The following ARHGAP44 variants were observed in gnomAD, a reference collection of about 807,000 sequenced individuals.
ARHGAP44 encodes the protein rho GTPase-activating protein 44.
Under a neutral mutation model 106.8 loss-of-function variants are expected in ARHGAP44, and 43 were observed. That is an observed-to-expected ratio of 0.40 (90% confidence interval 0.32 to 0.52). The LOEUF (loss-of-function observed/expected upper bound fraction) is 0.52. Among genes scored for constraint, ARHGAP44 ranks in the 20% least tolerant of loss-of-function variants. ARHGAP44 has a pLI of 0.48. For missense variants in ARHGAP44, 866 were observed against 1,050.5 expected (o/e 0.82, Z 2.43); for synonymous variants, 439 against 410.3 (o/e 1.07, Z -0.85).
chr17:12,982,417 A>G (rs929057196), intron 19 of ARHGAP44, among the ~76,000 whole-genome samples: 8 of 151,742 alleles, frequency 5.3e-5, no homozygotes, highest in Admixed American at 4.6e-4. Flanking sequence ...CATCACAGAC[A>G]TGGTGATGCA....
At chr17:12,842,431 AAAG>A (rs1475647290) in intron 1 of ARHGAP44, among the ~76,000 whole-genome samples, 4,745 of 133,560 alleles carry the variant, frequency 0.036, 90 homozygotes, top group African/African-American at 0.079. Context: ...AAAAAAAAAA[AAAG>A]AAAGAAAAAA....
At chr17:12,840,941 C>T (rs1004457070) in intron 1 of ARHGAP44, among the ~76,000 whole-genome samples, 3 of 152,078 alleles carry the variant, frequency 2.0e-5, no homozygotes, top group Non-Finnish European at 4.4e-5. Context: ...TCTTAGGGGT[C>T]GGTTCCCCAT....
chr17:12,974,033 C>G, intron 17 of ARHGAP44, 56 bp from the exon 18 acceptor site: 2 of 1,509,714 alleles, frequency 1.3e-6, no homozygotes, highest in Non-Finnish European at 1.8e-6. Context: ...GGGAGGGAGC[C>G]TGTCTCCTGT....
At chr17:12,946,323 G>A (rs1360294004) in intron 10 of ARHGAP44, among the ~76,000 whole-genome samples, 5 of 151,978 alleles carry the variant, frequency 3.3e-5, no homozygotes, top group Non-Finnish European at 7.4e-5. Context: ...ACTTAAGTAT[G>A]TATCTCTGTA....
At chr17:12,983,251 C>G (rs964782000) in intron 19 of ARHGAP44, among the ~76,000 whole-genome samples, 1 of 111,584 alleles carries the variant, frequency 9.0e-6, no homozygotes, top group Admixed American at 1.2e-4. Flanking sequence ...GGTGACAGAG[C>G]GAGACTCCAT....
intron 1 of ARHGAP44, among the ~76,000 whole-genome samples, chr17:12,808,663 C>T (rs1414221929): frequency 6.6e-6 from 1 of 152,168 alleles, no homozygotes; most frequent in African/African-American, 2.4e-5. Context: ...ATCATTTTTT[C>T]CTCCTAGGCT....
intron 1 of ARHGAP44, among the ~76,000 whole-genome samples, chr17:12,876,530 G>A (rs1049244943): frequency 1.3e-5 from 2 of 152,176 alleles, no homozygotes; most frequent in African/African-American, 2.4e-5. Flanking sequence ...TAGGCACTAG[G>A]CAAAAGGGAC....
chr17:12,990,390 TTTTG>T lies in ARHGAP44; in HGVS notation c.*224_*227del, dbSNP rs1296933848. On this transcript the variant is annotated 3_prime_UTR_variant, in exon 21 of 21. Coordinates refer to ENST00000379672, the MANE Select transcript of ARHGAP44 (RefSeq NM_014859.6). Reference sequence around the variant, plus strand: ...TTCCTTTCGGGTGGTGACTTCGGCCTTTTGTTTGACCTTTGCCTTTTGACTTTGT... The same window carrying T: ...TTCCTTTCGGGTGGTGACTTCGGCCTTTTGACCTTTGCCTTTTGACTTTGT... The T allele has an allele frequency of 3.6e-6, 2 of 558,986 alleles. No homozygotes were observed. Among genetic ancestry groups the T allele is most frequent in the Non-Finnish European group, 6.2e-6 (2 of 324,550 alleles). 34.6% of individuals were successfully genotyped at this position (558,986 alleles called of 1,614,324 possible). A position where few individuals can be genotyped will look rare whatever the true frequency, so the allele number is the denominator to read the frequency against.
Position 12,958,583 on chromosome 17 carries a change from A to G in ARHGAP44, c.1343-134A>G, listed in dbSNP as rs538528515. On this transcript the variant is annotated intron_variant, in intron 15 of 20. Transcript: ENST00000379672. The surrounding 1 kb of genome is among the most constrained non-coding windows in gnomAD (Gnocchi z 4.1). ...CCTGTTAATGTGATGCATTATATTA[A>G]TAAGGTGAACCATGGGATGAAATTT... 2.9e-3 allele frequency: 2,342 copies of G among 813,798 alleles called. 8 individuals carry two copies. The highest frequency in any genetic ancestry group is 5.4e-3 in the South Asian group (305 of 56,532). The allele number at this position is 813,798 out of a possible 1,614,324, so 50.4% of individuals were successfully genotyped here.
intron 2 of ARHGAP44, among the ~76,000 whole-genome samples, chr17:12,895,197 T>TCGA (rs1404034840): frequency 9.2e-6 from 1 of 108,482 alleles, no homozygotes; most frequent in East Asian, 2.8e-4. Context: ...AAGCCATCCC[T>TCGA]CGATGTGGTT....
chr17:12,967,249 CTTTTTTTTTTTTTTT>C (rs57651305), intron 16 of ARHGAP44, among the ~76,000 whole-genome samples: 3 of 93,182 alleles, frequency 3.2e-5, no homozygotes, highest in Non-Finnish European at 6.3e-5. Flanking sequence ...ACTCTTTTTG[CTTTTTTTTTTTTTTT>C]TTTTTTTTTT....
At chr17:12,885,066 A>G (rs1427956595) in intron 1 of ARHGAP44, among the ~76,000 whole-genome samples, 1 of 152,050 alleles carries the variant, frequency 6.6e-6, no homozygotes, top group Non-Finnish European at 1.5e-5. Context: ...ACATCCAGCT[A>G]ATTTTTGTAT....
intron 1 of ARHGAP44, among the ~76,000 whole-genome samples, chr17:12,891,947 C>T (rs2037061099): frequency 6.7e-6 from 1 of 150,374 alleles, no homozygotes; most frequent in Non-Finnish European, 1.5e-5. Flanking sequence ...AGGTGCGCAC[C>T]ACCACGCCCG....
At chr17:12,791,693 GGGGAGGTT>G (rs1283611812) in intron 1 of ARHGAP44, among the ~76,000 whole-genome samples, 1 of 152,182 alleles carries the variant, frequency 6.6e-6, no homozygotes, top group Admixed American at 6.5e-5. Context: ...AAAATGGTGA[GGGGAGGTT>G]GGATTTCAGA....
At chr17:12,881,664 C>T (rs900131326) in intron 1 of ARHGAP44, among the ~76,000 whole-genome samples, 1 of 152,072 alleles carries the variant, frequency 6.6e-6, no homozygotes, top group South Asian at 2.1e-4. Flanking sequence ...TTTGCATTTC[C>T]ATACAAATTT....
rs530740639 is a variant in ARHGAP44, at chr17:12,864,938, T to C, written c.54-30002T>C. Among the ~76,000 whole-genome samples the C allele has an allele frequency of 1.3e-4, 20 of 152,044 alleles. No individual in the cohort carries two copies. In the East Asian group the frequency reaches 2.3e-3, roughly 18 times the overall value. On this transcript the variant is annotated intron_variant, in intron 1 of 20. Transcript: ENST00000379672. ...CATAGAATAAAGACACTTAGAGACA[T>C]GTAGAGGAAAAAGATACGAAACTTG...
chr17:12,976,086 G>T (rs1250325311), intron 18 of ARHGAP44, among the ~76,000 whole-genome samples: 1 of 152,134 alleles, frequency 6.6e-6, no homozygotes, highest in Non-Finnish European at 1.5e-5. Context: ...ATGCCACCGT[G>T]TCTCCTGTTA....
intron 15 of ARHGAP44, among the ~76,000 whole-genome samples, chr17:12,957,713 C>G (rs2039164869): frequency 6.6e-6 from 1 of 152,146 alleles, no homozygotes; most frequent in South Asian, 2.1e-4. Flanking sequence ...TCAATGGTGA[C>G]AGCTTTGAAG....
chr17:12,924,828 T>A (rs748974645), intron 6 of ARHGAP44, among the ~76,000 whole-genome samples: 64 of 152,232 alleles, frequency 4.2e-4, no homozygotes, highest in Admixed American at 1.0e-3. Flanking sequence ...TGATCTTGGA[T>A]GTCCAGCCTC....
Sources: allele counts gnomAD v4.1 joint callset (sites outside exome capture counted in the v4.1 genomes callset), GRCh38; gene constraint gnomAD v4.1.1; non-coding constraint Gnocchi (gnomAD v3.1); transcripts MANE v1.5; gene names NCBI Gene and HGNC (gene_info 2026-07-23, HGNC 2026-07-21).